CACNA1I: variants seen among roughly 807,000 people sequenced by gnomAD.
The protein encoded by CACNA1I is voltage-dependent T-type calcium channel subunit alpha-1I.
CACNA1I carries 74 observed loss-of-function variants against 201.6 expected under a neutral mutation model. That is an observed-to-expected ratio of 0.37 (90% CI 0.30 to 0.45). The LOEUF (loss-of-function observed/expected upper bound fraction) is 0.45, where lower values mean the gene tolerates loss of function less well. CACNA1I is among the 20% of genes least tolerant of loss of function. The pLI is 1.00. For missense variants in CACNA1I, 2,346 were observed against 3,138.1 expected (o/e 0.75, Z 6.03); for synonymous variants, 1,431 against 1,345.2 (o/e 1.06, Z -1.40).
At position 39,680,962 on chromosome 22, in the gene CACNA1I, G is replaced by A; in HGVS notation, c.5574G>A (p.Leu1858=). 1 of 1,611,800 alleles carries A rather than the reference G, an allele frequency of 6.2e-7. No homozygotes were observed. Among genetic ancestry groups the A allele is most frequent in the Non-Finnish European group, 8.5e-7 (1 of 1,179,560 alleles). Residue 1858 remains leucine (L), a synonymous_variant, in exon 34 of 37, where the codon CTG becomes CTA. Coordinates refer to ENST00000402142, the MANE Select transcript of CACNA1I (RefSeq NM_021096.4). ...VQLAETEAFS[L]NSDRSSSILL... ...TGGCTGAGACGGAGGCCTTCTCCCT[G>A]AACTCAGACAGGTCCTCGTCCATCC...
chr22:39,654,524 G>A (rs1417014618), intron 10 of CACNA1I, among the ~76,000 whole-genome samples: 1 of 152,222 alleles, frequency 6.6e-6, no homozygotes, highest in Non-Finnish European at 1.5e-5. Flanking sequence ...CTGAATCAGT[G>A]GCTGGATCAA....
chr22:39,663,298 G>A (rs1363340542), intron 18 of CACNA1I, among the ~76,000 whole-genome samples: 1 of 152,222 alleles, frequency 6.6e-6, no homozygotes, highest in East Asian at 1.9e-4. Context: ...AAGGCTTCCT[G>A]GAGGAGGAGG....
intron 1 of CACNA1I, among the ~76,000 whole-genome samples, chr22:39,597,626 A>G (rs1303439956): frequency 6.6e-6 from 1 of 152,200 alleles, no homozygotes; most frequent in Admixed American, 6.5e-5. Context: ...GATGAGCCCT[A>G]CCTGAGCCCT....
chr22:39,601,713 A>G (rs952970257), intron 3 of CACNA1I, among the ~76,000 whole-genome samples: 5 of 151,850 alleles, frequency 3.3e-5, no homozygotes, highest in Admixed American at 3.3e-4. Flanking sequence ...TGAGAATCCC[A>G]TCAGGTATCT....
rs575528186 is a variant in CACNA1I, at chr22:39,668,885, C to T, written c.4194+504C>T. On this transcript the variant is annotated intron_variant, in intron 24 of 36. Transcript: ENST00000402142. ...AGTTTATTCTGAGGGCAGAGAGAGC[C>T]GGTGAGGGACTTACAGCAAGAGTGG... is the stretch of plus-strand genomic sequence containing the variant. 3.9e-5 allele frequency among the ~76,000 whole-genome samples: 6 copies of T among 152,222 alleles called. No homozygotes were observed. In the South Asian group the frequency reaches 8.3e-4, roughly 21 times the overall value.
At chr22:39,598,102 C>T (rs1433663100) in intron 1 of CACNA1I, 49 bp from the exon 2 acceptor site, 9 of 1,175,150 alleles carry the variant, frequency 7.7e-6, no homozygotes, top group Non-Finnish European at 1.0e-5. Context: ...TGCACCCCAG[C>T]CCCCACGGGC....
intron 1 of CACNA1I, among the ~76,000 whole-genome samples, chr22:39,584,413 C>T (rs1167823956): frequency 6.6e-6 from 1 of 152,134 alleles, no homozygotes; most frequent in Non-Finnish European, 1.5e-5. Context: ...ATCTGAGGTT[C>T]CCAGAGACTT....
rs58746195 is a variant in CACNA1I at position 39,663,698 on chromosome 22, C to T, written c.3474-20C>T. 7.5e-6 allele frequency: 12 copies of T among 1,608,586 alleles called. No individual in the cohort carries two copies. The highest frequency in any genetic ancestry group is 1.7e-5 in the Admixed American group (1 of 59,726). On this transcript the variant is annotated intron_variant, in intron 18 of 36. Transcript: ENST00000402142. ...TGGGAGGCAGCTGACGCTCAGGCAG[C>T]CCCCGCCCACCCTGCCCAGGTTCCG...
chr22:39,672,069 G>A (rs1935391759), intron 26 of CACNA1I, 130 bp from the exon 27 acceptor site: 3 of 650,276 alleles, frequency 4.6e-6, no homozygotes, highest in East Asian at 5.1e-5. Context: ...AATAAAAGCA[G>A]CATATAAATA....
chr22:39,589,946 C>A (rs949528487), intron 1 of CACNA1I, among the ~76,000 whole-genome samples: 1 of 152,164 alleles, frequency 6.6e-6, no homozygotes, highest in African/African-American at 2.4e-5. Context: ...ACTTGGCCAC[C>A]CCCGCCAAAC....
At chr22:39,602,363 C>T (rs1389728858) in intron 3 of CACNA1I, among the ~76,000 whole-genome samples, 1 of 151,874 alleles carries the variant, frequency 6.6e-6, no homozygotes, top group Non-Finnish European at 1.5e-5. Flanking sequence ...GTGTGAGCCA[C>T]CGCACCTGGC....
At chr22:39,632,015 C>T (rs899699928) in intron 4 of CACNA1I, among the ~76,000 whole-genome samples, 5 of 151,876 alleles carry the variant, frequency 3.3e-5, no homozygotes, top group Non-Finnish European at 5.9e-5. Flanking sequence ...CAGAGTGAGG[C>T]GGGTCGGGGA....
intron 3 of CACNA1I, among the ~76,000 whole-genome samples, chr22:39,601,823 CTCCT>C (rs71695442): frequency 0.28 from 37,096 of 130,406 alleles, 7,061 homozygotes; most frequent in East Asian, 0.81. Flanking sequence ...CTCGCTTTCT[CTCCT>C]TCCTTCCTTC....
intron 10 of CACNA1I, among the ~76,000 whole-genome samples, chr22:39,650,517 T>C (rs1251615573): frequency 2.0e-5 from 3 of 152,142 alleles, no homozygotes; most frequent in Admixed American, 1.3e-4. Context: ...GCCAGTCTTG[T>C]TGGGCTCTTC....
intron 1 of CACNA1I, among the ~76,000 whole-genome samples, chr22:39,594,832 C>T (rs796441588): frequency 1.4e-3 from 220 of 152,228 alleles, no homozygotes; most frequent in African/African-American, 5.2e-3. Context: ...TAGCACCCCC[C>T]CTTACCCACA....
At chr22:39,680,553 A>G (rs1935673200) in intron 33 of CACNA1I, among the ~76,000 whole-genome samples, 1 of 152,120 alleles carries the variant, frequency 6.6e-6, no homozygotes, top group African/African-American at 2.4e-5. Flanking sequence ...TGCCTGTGAC[A>G]CGCTGTGCAG....
At chr22:39,630,596 T>C (rs1160523134) in intron 4 of CACNA1I, among the ~76,000 whole-genome samples, 1 of 152,240 alleles carries the variant, frequency 6.6e-6, no homozygotes, top group Non-Finnish European at 1.5e-5. Context: ...CGCCTTGGCC[T>C]TGGGCGCAGA....
intron 1 of CACNA1I, among the ~76,000 whole-genome samples, chr22:39,574,959 G>T (rs1181511219): frequency 6.6e-6 from 1 of 152,232 alleles, no homozygotes; most frequent in East Asian, 1.9e-4. Flanking sequence ...TCCTCTTCCA[G>T]CCCGGAGCTA....
intron 1 of CACNA1I, among the ~76,000 whole-genome samples, chr22:39,576,525 T>G (rs1164112441): frequency 6.6e-6 from 1 of 152,194 alleles, no homozygotes; most frequent in African/African-American, 2.4e-5. Flanking sequence ...TTCTCCACAC[T>G]CCACCAGGGC....
Sources: allele counts gnomAD v4.1 joint callset (sites outside exome capture counted in the v4.1 genomes callset), GRCh38; gene constraint gnomAD v4.1.1; transcripts MANE v1.5; gene names NCBI Gene and HGNC (gene_info 2026-07-23, HGNC 2026-07-21).